GSTCD: variants seen among roughly 807,000 people sequenced by gnomAD.
GSTCD encodes glutathione S-transferase C-terminal domain containing.
A neutral mutation model predicts 68.3 loss-of-function variants in GSTCD; 44 were observed. That is an observed-to-expected ratio of 0.64 (90% CI 0.51 to 0.83). The LOEUF is 0.83. Among genes scored for constraint, GSTCD ranks in the 40% least tolerant of loss-of-function variants. The probability of loss-of-function intolerance (pLI) is 0.00; values close to 1 mark genes in which losing one functional copy is unlikely to be tolerated. For synonymous variants in GSTCD, 273 were observed against 255.2 expected, an observed-to-expected ratio of 1.07 and a Z score of -0.67; for missense variants, 739 against 735.9, an observed-to-expected ratio of 1.00 and a Z score of -0.05.
At chr4:105,759,822 A>C (rs1734333885) in intron 5 of GSTCD, among the ~76,000 whole-genome samples, 1 of 152,156 alleles carries the variant, frequency 6.6e-6, no homozygotes, top group African/African-American at 2.4e-5. Flanking sequence ...CTTAAACAAA[A>C]AATTGACTTT....
At chr4:105,731,694 T>C (rs1733246300) in intron 5 of GSTCD, among the ~76,000 whole-genome samples, 2 of 151,158 alleles carry the variant, frequency 1.3e-5, no homozygotes, top group South Asian at 4.1e-4. Flanking sequence ...TTCTTTCTCC[T>C]GCCTGATTGC....
intron 4 of GSTCD, among the ~76,000 whole-genome samples, chr4:105,727,167 T>A (rs1733068853): frequency 6.6e-6 from 1 of 150,392 alleles, no homozygotes; most frequent in East Asian, 1.9e-4. Context: ...TTTAACATAA[T>A]CTTTTTCTGT....
rs777714268 is a variant in GSTCD, at chr4:105,743,653, CTTTTTTTTTT to C, written c.1240+14171_1240+14180del. 1.1e-3 allele frequency among the ~76,000 whole-genome samples: 97 copies of C among 88,872 alleles called. 1 individual carries two copies. The East Asian group carries it at 0.028, about 25-fold the overall frequency. The allele number at this position is 88,872 out of a possible 152,430, so 58.3% of individuals were successfully genotyped here. A position where few individuals can be genotyped will look rare whatever the true frequency, so the allele number is the denominator to read the frequency against. On this transcript the variant is annotated intron_variant, in intron 5 of 11. Coordinates refer to ENST00000515279, the MANE Select transcript of GSTCD (RefSeq NM_001370181.1). ...AAATATTTCCTAAAAACAGGACATT[CTTTTTTTTTT>C]TTTTTTTTTTTTTTTTATGGAGTCT... is the stretch of plus-strand genomic sequence containing the variant.
intron 1 of GSTCD, among the ~76,000 whole-genome samples, chr4:105,713,090 G>C (rs2149201805): frequency 6.6e-6 from 1 of 152,206 alleles, no homozygotes; most frequent in South Asian, 2.1e-4. Context: ...AAAAATATCA[G>C]ATTTATCCCA....
At chr4:105,778,630 A>G (rs551950320) in intron 5 of GSTCD, among the ~76,000 whole-genome samples, 2 of 152,086 alleles carry the variant, frequency 1.3e-5, no homozygotes, top group Non-Finnish European at 2.9e-5. Flanking sequence ...AACAGCTGCA[A>G]TTGCTTGATA....
chr4:105,763,550 G>C (rs1006326565), intron 5 of GSTCD, among the ~76,000 whole-genome samples: 10 of 152,198 alleles, frequency 6.6e-5, no homozygotes, highest in Non-Finnish European at 8.8e-5. Context: ...GATCCAGACT[G>C]TCTTAACCAC....
rs1431877387 is a variant in GSTCD at position 105,708,882 on chromosome 4, G to C, written c.-156G>C. On this transcript the variant is annotated 5_prime_UTR_variant, in exon 1 of 12. Transcript: ENST00000515279. ...TCGTTTTTCTCCTGGCGTCTGTGGA[G>C]GCGAGTGGTCTGCGGGCAGCAGCTC... The C allele has an allele frequency of 6.5e-6, 1 of 152,742 alleles. No homozygotes were observed. 9.5% of individuals were successfully genotyped at this position (152,742 alleles called of 1,614,324 possible).
At chr4:105,781,689 T>G (rs1735278507) in intron 5 of GSTCD, among the ~76,000 whole-genome samples, 1 of 152,110 alleles carries the variant, frequency 6.6e-6, no homozygotes, top group Non-Finnish European at 1.5e-5. Flanking sequence ...AAGGAAGAAT[T>G]AAAACACAAA....
intron 5 of GSTCD, among the ~76,000 whole-genome samples, chr4:105,785,485 A>G (rs1735431293): frequency 6.6e-6 from 1 of 152,166 alleles, no homozygotes; most frequent in South Asian, 2.1e-4. Context: ...ATTTGTATCA[A>G]TATCGATTCA....
intron 5 of GSTCD, among the ~76,000 whole-genome samples, chr4:105,737,160 T>G (rs1478382065): frequency 1.3e-5 from 2 of 152,190 alleles, no homozygotes; most frequent in Non-Finnish European, 2.9e-5. Flanking sequence ...TTGAGAAAAC[T>G]CCATACTGTG....
intron 5 of GSTCD, among the ~76,000 whole-genome samples, chr4:105,816,625 A>G (rs941462759): frequency 1.3e-5 from 2 of 152,112 alleles, no homozygotes; most frequent in African/African-American, 4.8e-5. Context: ...TTTCCCTAAG[A>G]TATAATTACT....
At chr4:105,735,426 G>T (rs1464844918) in intron 5 of GSTCD, among the ~76,000 whole-genome samples, 1 of 152,196 alleles carries the variant, frequency 6.6e-6, no homozygotes, top group African/African-American at 2.4e-5. Context: ...ATCTCAGACT[G>T]CTGTGCTAGC....
intron 1 of GSTCD, among the ~76,000 whole-genome samples, chr4:105,715,334 T>G (rs1318592729): frequency 6.6e-6 from 1 of 152,180 alleles, no homozygotes; most frequent in Non-Finnish European, 1.5e-5. Flanking sequence ...TGATCTTTAA[T>G]AAATACCTTT....
Position 105,726,783 on chromosome 4 carries a change from G to T in GSTCD, c.1099G>T (p.Asp367Tyr). The change falls in exon 4 of 12, where the codon GAT becomes TAT. Residue 367 changes from aspartate (D) to tyrosine (Y), a missense_variant. Coordinates refer to ENST00000515279, the MANE Select transcript of GSTCD (RefSeq NM_001370181.1). ...CEVPGVEEQS[D>Y]PLFIGGPRPT... ...AGTCCCAGGTGTAGAAGAGCAAAGC[G>T]ATCCTTTATTTATAGGAGGACCAAG... 6.2e-7 allele frequency: 1 copy of T among 1,613,482 alleles called. No individual in the cohort carries two copies. The highest frequency in any genetic ancestry group is 8.5e-7 in the Non-Finnish European group (1 of 1,179,624).
intron 1 of GSTCD, among the ~76,000 whole-genome samples, chr4:105,710,163 A>T (rs533544396): frequency 6.6e-6 from 1 of 150,914 alleles, no homozygotes; most frequent in African/African-American, 2.5e-5. Context: ...TATACTTTGC[A>T]CTTCTACGTG....
intron 5 of GSTCD, among the ~76,000 whole-genome samples, chr4:105,794,064 C>T (rs902467378): frequency 1.3e-5 from 2 of 152,078 alleles, no homozygotes; most frequent in South Asian, 2.1e-4. Flanking sequence ...TTTAATACTC[C>T]GGAGATTATA....
chr4:105,756,932 C>T (rs1734220002), intron 5 of GSTCD, among the ~76,000 whole-genome samples: 1 of 152,162 alleles, frequency 6.6e-6, no homozygotes, highest in Non-Finnish European at 1.5e-5. Flanking sequence ...ATAATTATGT[C>T]ACAGTCACCA....
chr4:105,835,521 G>A (rs186894787), intron 9 of GSTCD, among the ~76,000 whole-genome samples: 1 of 152,104 alleles, frequency 6.6e-6, no homozygotes. Flanking sequence ...GAACACAGTG[G>A]CAACCAGAAG....
At chr4:105,814,346 C>T (rs1481626993) in intron 5 of GSTCD, among the ~76,000 whole-genome samples, 1 of 152,208 alleles carries the variant, frequency 6.6e-6, no homozygotes, top group Non-Finnish European at 1.5e-5. Context: ...GGCGTGGTGG[C>T]TCACACCTGT....
Sources: allele counts gnomAD v4.1 joint callset (sites outside exome capture counted in the v4.1 genomes callset), GRCh38; gene constraint gnomAD v4.1.1; transcripts MANE v1.5; gene names NCBI Gene and HGNC (gene_info 2026-07-23, HGNC 2026-07-21).